Variants in SDK1 observed in about 807,000 individuals in gnomAD.
SDK1 encodes the protein sidekick cell adhesion molecule 1.
A neutral mutation model predicts 245.5 loss-of-function variants in SDK1; 157 were observed. That is an observed-to-expected ratio of 0.64 (90% confidence interval 0.56 to 0.73). The LOEUF is 0.73. Ranked by LOEUF, SDK1 falls within the 30% of genes least tolerant of loss-of-function variation. The pLI, the probability that SDK1 is intolerant of heterozygous loss-of-function variation, is 0.00. For synonymous variants in SDK1, 1,647 were observed against 1,278.5 expected (o/e 1.29, Z -6.15); for missense variants, 3,583 against 3,002.3 (o/e 1.19, Z -4.52).
chr7:3,840,241 G>T (rs754598725), intron 5 of SDK1, among the ~76,000 whole-genome samples: 1 of 152,172 alleles, frequency 6.6e-6, no homozygotes, highest in Admixed American at 6.5e-5. Flanking sequence ...ACCAAAAGTT[G>T]AAACAGAGTG....
chr7:3,611,854 G>A (rs1739816823), intron 1 of SDK1, among the ~76,000 whole-genome samples: 1 of 152,098 alleles, frequency 6.6e-6, no homozygotes, highest in Admixed American at 6.6e-5. Context: ...GGGGTGAAAA[G>A]GGAACACTTT....
intron 20 of SDK1, among the ~76,000 whole-genome samples, chr7:4,073,827 C>G (rs545631687): frequency 2.6e-5 from 4 of 152,248 alleles, no homozygotes; most frequent in African/African-American, 9.6e-5. Flanking sequence ...CGGAGAACAG[C>G]GAAAGTGAGA....
chr7:3,496,388 ATCT>A (rs200377604), intron 1 of SDK1, among the ~76,000 whole-genome samples: 2,584 of 151,730 alleles, frequency 0.017, 85 homozygotes, highest in African/African-American at 0.06. Flanking sequence ...AAGCCATTTT[ATCT>A]TCTTTTTATT....
chr7:3,746,456 C>T (rs1028758721), intron 4 of SDK1, among the ~76,000 whole-genome samples: 2 of 152,136 alleles, frequency 1.3e-5, no homozygotes, highest in African/African-American at 4.8e-5. Context: ...AAAGATTTCT[C>T]TGTAATGTGC....
intron 4 of SDK1, among the ~76,000 whole-genome samples, chr7:3,734,703 T>G (rs184129010): frequency 6.6e-6 from 1 of 152,388 alleles, no homozygotes; most frequent in Admixed American, 6.5e-5. Context: ...ATTTTTGTGA[T>G]GTATGGGACA....
At chr7:4,214,018 A>G (rs1055140117) in intron 38 of SDK1, among the ~76,000 whole-genome samples, 2 of 152,150 alleles carry the variant, frequency 1.3e-5, no homozygotes, top group African/African-American at 4.8e-5. Context: ...GCTATCTCCA[A>G]ATCCTCAGAA....
intron 4 of SDK1, among the ~76,000 whole-genome samples, chr7:3,791,537 C>T (rs1056789688): frequency 1.3e-4 from 20 of 152,126 alleles, no homozygotes; most frequent in Non-Finnish European, 2.8e-4. Context: ...AGGGATGCGG[C>T]TGCCGATGTG....
intron 1 of SDK1, among the ~76,000 whole-genome samples, chr7:3,555,924 T>C (rs980385162): frequency 2.6e-5 from 4 of 152,126 alleles, no homozygotes; most frequent in Non-Finnish European, 4.4e-5. Context: ...TAACAAATGC[T>C]GGCAAGAATG....
chr7:3,380,652 A>G (rs1403900835), intron 1 of SDK1, among the ~76,000 whole-genome samples: 3 of 152,172 alleles, frequency 2.0e-5, no homozygotes, highest in Non-Finnish European at 4.4e-5. Flanking sequence ...AGTTCAGGTC[A>G]TGTAGGGGAG....
intron 4 of SDK1, among the ~76,000 whole-genome samples, chr7:3,676,769 T>C (rs938897359): frequency 1.3e-5 from 2 of 152,246 alleles, no homozygotes; most frequent in African/African-American, 4.8e-5. Context: ...ATTTATTGAA[T>C]AGGGAATCTT....
At chr7:3,969,233 C>T (rs374290450) in intron 10 of SDK1, 24 bp from the exon 11 acceptor site, 20 of 1,555,560 alleles carry the variant, frequency 1.3e-5, no homozygotes, top group Non-Finnish European at 1.7e-5. Flanking sequence ...CTGTAACATG[C>T]CTCTTTTCTC....
At chr7:3,820,158 C>G (rs189646328) in intron 4 of SDK1, among the ~76,000 whole-genome samples, 10 of 151,864 alleles carry the variant, frequency 6.6e-5, no homozygotes, top group African/African-American at 2.2e-4. Context: ...TATTTTTTTT[C>G]TTTCTTTTTT....
Position 3,577,301 on chromosome 7 carries a change from T to C in SDK1, c.299-41779T>C, listed in dbSNP as rs1780325496. Among the ~76,000 whole-genome samples, 3 of 152,070 alleles carry C rather than the reference T, an allele frequency of 2.0e-5. No homozygotes were observed. In the South Asian group the frequency reaches 6.2e-4, roughly 32 times the overall value. Reference sequence around the variant, plus strand: ...AGCAGCGCTCTGAGATTGGTTCTGTTATTTACACCATTTTACAGACAAGGA... The same window carrying C: ...AGCAGCGCTCTGAGATTGGTTCTGTCATTTACACCATTTTACAGACAAGGA... On this transcript the variant is annotated intron_variant, in intron 1 of 44. Transcript: ENST00000404826.
chr7:3,888,399 C>T (rs1014976444), intron 5 of SDK1, among the ~76,000 whole-genome samples: 8 of 152,184 alleles, frequency 5.3e-5, no homozygotes, highest in South Asian at 2.1e-4. Flanking sequence ...GGACATGAAC[C>T]GTACCCCGCC....
At chr7:3,766,397 A>T (rs1780253705) in intron 4 of SDK1, among the ~76,000 whole-genome samples, 1 of 152,184 alleles carries the variant, frequency 6.6e-6, no homozygotes. Context: ...ACTAAAAATG[A>T]GGTCTCTGAA....
chr7:3,961,838 T>G (rs1017183467), intron 8 of SDK1, among the ~76,000 whole-genome samples: 1 of 152,132 alleles, frequency 6.6e-6, no homozygotes, highest in Admixed American at 6.5e-5. Context: ...TGTACACACA[T>G]GCACATATAT....
chr7:4,092,991 A>T (rs1189262008), intron 22 of SDK1, among the ~76,000 whole-genome samples: 1 of 152,200 alleles, frequency 6.6e-6, no homozygotes, highest in Non-Finnish European at 1.5e-5. Flanking sequence ...CATTTTTAAA[A>T]GTGCACCAAG....
chr7:3,543,838 T>C (rs182094629), intron 1 of SDK1, among the ~76,000 whole-genome samples: 18 of 152,350 alleles, frequency 1.2e-4, no homozygotes, highest in Non-Finnish European at 2.4e-4. Flanking sequence ...GAATATTAAC[T>C]TCTTAGTGAC....
chr7:4,185,556 G>A (rs574950789), intron 35 of SDK1, among the ~76,000 whole-genome samples: 10 of 152,252 alleles, frequency 6.6e-5, no homozygotes, highest in Non-Finnish European at 1.5e-4. Flanking sequence ...CCGTCCCTGG[G>A]AGGACAGACA....
Sources: gnomAD v4.1 joint callset for allele counts (sites outside exome capture counted in the v4.1 genomes callset) on GRCh38, gnomAD v4.1.1 for gene constraint, MANE v1.5 for transcripts, NCBI Gene and HGNC (gene_info 2026-07-23, HGNC 2026-07-21) for gene names.